Variants in PLXNA2 observed in about 807,000 individuals in gnomAD.
PLXNA2 encodes plexin-A2.
In PLXNA2, 91 loss-of-function variants were observed where a neutral mutation model predicts 193.5. The observed-to-expected ratio is 0.47, with a 90% CI of 0.40 to 0.56. The LOEUF is 0.56. Ranked by LOEUF, PLXNA2 falls within the 20% of genes least tolerant of loss-of-function variation. The pLI is 0.00. For synonymous variants in PLXNA2, 997 were observed against 1,027.3 expected, an observed-to-expected ratio of 0.97 and a Z score of 0.56; for missense variants, 1,995 against 2,503.2, an observed-to-expected ratio of 0.80 and a Z score of 4.33.
intron 3 of PLXNA2, among the ~76,000 whole-genome samples, chr1:208,178,545 C>T (rs897949248): frequency 8.5e-5 from 13 of 152,188 alleles, no homozygotes; most frequent in African/African-American, 3.1e-4. Flanking sequence ...TGTTGCCTGC[C>T]TCTGCCTTCT....
rs1670598647 is a variant in PLXNA2, at chr1:208,202,962, C to T, written c.1371+7318G>A. On this transcript the variant is annotated intron_variant, in intron 3 of 31. Transcript: ENST00000367033. The stretch of plus-strand genomic sequence containing the variant: ...AAATAAATGAGTCTTTAGTTTCTCC[C>T]CTTTCAGAATGACTCTGGGAGATCA... 2.0e-5 allele frequency among the ~76,000 whole-genome samples: 3 copies of T among 152,292 alleles called. No homozygotes were observed. The South Asian group carries it at 6.2e-4, about 32-fold the overall frequency.
chr1:208,133,663 G>T (rs1449449264), intron 4 of PLXNA2, among the ~76,000 whole-genome samples: 1 of 152,196 alleles, frequency 6.6e-6, no homozygotes, highest in East Asian at 1.9e-4. Flanking sequence ...AACATCTTCA[G>T]GAACTCTCTT....
At chr1:208,127,555 C>A (rs149846739) in intron 4 of PLXNA2, among the ~76,000 whole-genome samples, 105 of 152,332 alleles carry the variant, frequency 6.9e-4, no homozygotes, top group African/African-American at 2.4e-3. Context: ...CTCAGAGGAG[C>A]TGCAGAGAAA....
intron 14 of PLXNA2, 40 bp from the exon 15 acceptor site, chr1:208,052,503 T>G: frequency 6.2e-7 from 1 of 1,606,742 alleles, no homozygotes; most frequent in Non-Finnish European, 8.5e-7. Context: ...GCTTAGGTTT[T>G]CTCCAAAAGG....
chr1:208,092,551 T>C (rs1225345300), intron 9 of PLXNA2, among the ~76,000 whole-genome samples: 1 of 152,366 alleles, frequency 6.6e-6, no homozygotes, highest in African/African-American at 2.4e-5. Context: ...TTCAAGCTTT[T>C]GAATGCATAG....
chr1:208,034,634 G>A, intron 26 of PLXNA2, 42 bp from the exon 27 acceptor site: 1 of 1,287,198 alleles, frequency 7.8e-7, no homozygotes, highest in Non-Finnish European at 1.1e-6. Context: ...GGTGAATGTA[G>A]GTGTCTTGGG....
chr1:208,118,039 T>A (rs540107726), intron 4 of PLXNA2, among the ~76,000 whole-genome samples: 6 of 152,102 alleles, frequency 3.9e-5, no homozygotes, highest in Non-Finnish European at 8.8e-5. Flanking sequence ...GAAGAGACAG[T>A]AGGAGACAGC....
intron 4 of PLXNA2, among the ~76,000 whole-genome samples, chr1:208,141,766 G>T (rs151212073): frequency 0.026 from 3,931 of 152,260 alleles, 73 homozygotes; most frequent in Middle Eastern, 0.037. Context: ...ATCCCAGAGG[G>T]TGGAAGACTT....
chr1:208,199,880 A>G (rs373034075), intron 3 of PLXNA2, among the ~76,000 whole-genome samples: 10 of 152,294 alleles, frequency 6.6e-5, no homozygotes, highest in African/African-American at 1.9e-4. Context: ...TTACTTGTCC[A>G]AAGTCAGTAG....
At chr1:208,048,096 G>C (rs558966664) in intron 17 of PLXNA2, among the ~76,000 whole-genome samples, 1 of 152,202 alleles carries the variant, frequency 6.6e-6, no homozygotes, top group African/African-American at 2.4e-5. Context: ...CTCTCTGCTG[G>C]TCCCAGTCTA....
intron 12 of PLXNA2, among the ~76,000 whole-genome samples, chr1:208,070,522 C>G (rs1443951307): frequency 6.6e-6 from 1 of 152,252 alleles, no homozygotes; most frequent in Non-Finnish European, 1.5e-5. Context: ...TAGGTGCCAG[C>G]TCCTTTCTCT....
At chr1:208,127,482 C>T (rs1231012401) in intron 4 of PLXNA2, among the ~76,000 whole-genome samples, 1 of 152,246 alleles carries the variant, frequency 6.6e-6, no homozygotes, top group Non-Finnish European at 1.5e-5. Context: ...GTCACCACTA[C>T]AATTGTCCCT....
At position 208,044,724 on chromosome 1, in the gene PLXNA2, C is replaced by A; in HGVS notation, c.3658G>T (p.Val1220Leu). ...ACACTCACCGAGCCAGGCGAGAACA[C>A]CATCCCGCCCACGTGAACCTGTGCA... ...HKVMVHVGGM[V>L]FSPGSVSVIS... Residue 1220 changes from valine (V) to leucine (L), a missense_variant, in exon 20 of 32, where the codon GTG becomes TTG. Around this residue, in one of 3 missense-constraint regions of PLXNA2, gnomAD observed 1,291 missense variants for 1,673.6 expected, o/e 0.77. Coordinates refer to ENST00000367033, the MANE Select transcript of PLXNA2 (RefSeq NM_025179.4). This position sits in a 1 kb window ranked among gnomAD's most constrained non-coding sequence, Gnocchi z 4.9. 1 of 1,613,700 alleles carries A rather than the reference C, an allele frequency of 6.2e-7. No individual in the cohort carries two copies.
At chr1:208,203,099 G>A (rs954318689) in intron 3 of PLXNA2, among the ~76,000 whole-genome samples, 9 of 152,220 alleles carry the variant, frequency 5.9e-5, no homozygotes, top group African/African-American at 1.7e-4. Flanking sequence ...GTGTCAAGAC[G>A]GGTGGGAGTG....
chr1:208,117,588 A>G (rs1248500606), intron 4 of PLXNA2, among the ~76,000 whole-genome samples: 1 of 152,020 alleles, frequency 6.6e-6, no homozygotes, highest in Non-Finnish European at 1.5e-5. Flanking sequence ...AGGAAGCACC[A>G]CCCTCTTGAT....
chr1:208,162,090 C>T (rs1384038868), intron 3 of PLXNA2, among the ~76,000 whole-genome samples: 3 of 152,174 alleles, frequency 2.0e-5, no homozygotes, highest in Admixed American at 6.5e-5. Flanking sequence ...CTCCTTAGAG[C>T]TCTCTATTTA....
chr1:208,207,815 G>A (rs1026173531), intron 3 of PLXNA2, among the ~76,000 whole-genome samples: 1 of 152,182 alleles, frequency 6.6e-6, no homozygotes, highest in Non-Finnish European at 1.5e-5. Context: ...TCAAAGCAGC[G>A]TGGGTGGGAA....
rs780464809 is a variant in PLXNA2, at chr1:208,044,752, G to A, written c.3640-10C>T. ...TCCCGCCCACGTGAACCTGTGCATTGTACACATACAGACGCACATGGATGC... is the reference window on the plus strand; with the variant it reads ...TCCCGCCCACGTGAACCTGTGCATTATACACATACAGACGCACATGGATGC... On this transcript the variant is annotated splice_polypyrimidine_tract_variant and intron_variant, in intron 19 of 31. Transcript: ENST00000367033. The surrounding 1 kb of genome is among the most constrained non-coding windows in gnomAD (Gnocchi z 4.9). The A allele has an allele frequency of 1.5e-5, 24 of 1,600,694 alleles. No individual in the cohort carries two copies. In the African/African-American group the frequency reaches 3.2e-4, roughly 21 times the overall value.
chr1:208,180,644 G>A (rs776501847), intron 3 of PLXNA2, among the ~76,000 whole-genome samples: 4 of 152,202 alleles, frequency 2.6e-5, no homozygotes, highest in Non-Finnish European at 2.9e-5. Context: ...TATTTACTCC[G>A]TTTGGCAGAC....
Sources: gnomAD v4.1 joint callset for allele counts (sites outside exome capture counted in the v4.1 genomes callset) on GRCh38, gnomAD v4.1.1 for gene constraint, gnomAD v4.1.1 regional missense constraint, Gnocchi (gnomAD v3.1) non-coding constraint, MANE v1.5 for transcripts, NCBI Gene and HGNC (gene_info 2026-07-23, HGNC 2026-07-21) for gene names.